The following BRWD1 variants were observed in gnomAD, a reference collection of about 807,000 sequenced individuals.
BRWD1 encodes bromodomain and WD repeat domain containing 1, also known as bromodomain and WD repeat-containing protein 1.
Under a neutral mutation model 251.2 loss-of-function variants are expected in BRWD1, and 82 were observed. That is an observed-to-expected ratio of 0.33 (90% CI 0.27 to 0.39). The LOEUF is 0.39. BRWD1 is among the 10% of genes least tolerant of loss of function. The pLI is 1.00. For missense variants in BRWD1, 2,233 were observed against 2,711.6 expected, an observed-to-expected ratio of 0.82 and a Z score of 3.92; for synonymous variants, 918 against 902.8, an observed-to-expected ratio of 1.02 and a Z score of -0.30.
Position 39,197,224 on chromosome 21 carries a change from T to G in BRWD1, c.5845A>C (p.Ser1949Arg). ...CTTCTAGTGTGCACATTTTCTAAACTGACATCTTCTACATCACTCATGAGC... is the reference window on the plus strand; with the variant it reads ...CTTCTAGTGTGCACATTTTCTAAACGGACATCTTCTACATCACTCATGAGC... ...IKLMSDVEDV[S>R]LENVHTRSKN... Residue 1949 changes from serine (S) to arginine (R), a missense_variant, in exon 41 of 41, where the codon AGT (serine) becomes CGT (arginine). This residue lies in a region of BRWD1 where 928 missense variants were observed against 970.0 expected (regional missense o/e 0.96). Transcript: ENST00000342449. The G allele has an allele frequency of 1.2e-6, 2 of 1,614,084 alleles. No individual in the cohort carries two copies. The highest frequency in any genetic ancestry group is 1.7e-5 in the Admixed American group (1 of 60,024).
At chr21:39,293,256 A>G (rs2035866261) in intron 8 of BRWD1, among the ~76,000 whole-genome samples, 1 of 152,168 alleles carries the variant, frequency 6.6e-6, no homozygotes, top group Non-Finnish European at 1.5e-5. Flanking sequence ...GCACTTTGGG[A>G]GGCTGAGCCG....
intron 4 of BRWD1, among the ~76,000 whole-genome samples, chr21:39,311,479 CTTTTCCAGTAGTTACA>C (rs2036482287): frequency 2.6e-5 from 4 of 152,274 alleles, no homozygotes; most frequent in African/African-American, 4.8e-5. Context: ...TTAAAAGTAA[CTTTTCCAGTAGTTACA>C]GCACTACATT....
At position 39,213,539 on chromosome 21, in the gene BRWD1, G is replaced by C. The variant is rs759860443; in HGVS notation, c.3800C>G (p.Thr1267Arg). Residue 1267 changes from threonine (T) to arginine (R), a missense_variant, in exon 33 of 41, where the codon ACA becomes AGA. Thr to Arg is a moderately conservative substitution (Grantham distance 71). Coordinates refer to ENST00000342449, the MANE Select transcript of BRWD1 (RefSeq NM_033656.4). ...TGTGTTAGAAAGTTCTGAGATATTT[G>C]TACAGTGTTGATTCCTAAAAAACAA... The part of the protein sequence containing the change: ...LLKFIKNQHC[T>R]NISELSNTSE... The C allele has an allele frequency of 6.2e-7, 1 of 1,610,452 alleles. No individual in the cohort carries two copies. The highest frequency in any genetic ancestry group is 1.1e-5 in the South Asian group (1 of 90,496).
intron 19 of BRWD1, among the ~76,000 whole-genome samples, chr21:39,253,118 CA>C (rs2034449285): frequency 6.6e-6 from 1 of 151,860 alleles, no homozygotes; most frequent in Non-Finnish European, 1.5e-5. Context: ...GGTGAAACCC[CA>C]TCTCTACTGA....
chr21:39,309,907 T>C (rs1428786210), intron 4 of BRWD1, among the ~76,000 whole-genome samples: 2 of 151,586 alleles, frequency 1.3e-5, no homozygotes, highest in African/African-American at 2.4e-5. Context: ...CTTGATGATA[T>C]AATAAGCAGT....
chr21:39,192,397 G>T lies in BRWD1; in HGVS notation c.*3862C>A. ...TATTCCTTCTCTTCCCAAATACTAG[G>T]ATAAGAGACAGTCTCAAACTGTTAA... On this transcript the variant is annotated 3_prime_UTR_variant, in exon 41 of 41. Coordinates refer to ENST00000342449, the MANE Select transcript of BRWD1 (RefSeq NM_033656.4). 1.0e-6 allele frequency: 1 copy of T among 985,120 alleles called. No individual in the cohort carries two copies. The highest frequency in any genetic ancestry group is 1.2e-6 in the Non-Finnish European group (1 of 829,804). 61.0% of individuals were successfully genotyped at this position (985,120 alleles called of 1,614,324 possible).
chr21:39,238,668 A>C, intron 21 of BRWD1, 95 bp from the exon 22 acceptor site: 1 of 781,422 alleles, frequency 1.3e-6, no homozygotes, highest in Non-Finnish European at 2.1e-6. Flanking sequence ...AGTAAGATTA[A>C]ATCATCTAAG....
At position 39,210,925 on chromosome 21, in the gene BRWD1, T is replaced by C; in HGVS notation, c.3905A>G (p.His1302Arg). 6.2e-7 allele frequency: 1 copy of C among 1,610,548 alleles called. No homozygotes were observed. The highest frequency in any genetic ancestry group is 8.5e-7 in the Non-Finnish European group (1 of 1,178,994). Residue 1302 changes from histidine (H) to arginine (R), a missense_variant, in exon 35 of 41, where the codon CAT becomes CGT. His to Arg is a conservative substitution (Grantham distance 29, BLOSUM62 0). Coordinates refer to ENST00000342449, the MANE Select transcript of BRWD1 (RefSeq NM_033656.4). ...PKTSSGRRRV[H>R]DGKKSIRATN... is the part of the protein sequence containing the mutation. Reference sequence around the variant, plus strand: ...AGCTCTGATGCTTTTTTTCCCATCATGGACCTAAAAATACATTCACAGTCT... The same window carrying C: ...AGCTCTGATGCTTTTTTTCCCATCACGGACCTAAAAATACATTCACAGTCT...
chr21:39,320,523 C>T (rs1405219624), intron 1 of BRWD1, among the ~76,000 whole-genome samples: 1 of 151,984 alleles, frequency 6.6e-6, no homozygotes, highest in African/African-American at 2.4e-5. Context: ...TTTCTACAGA[C>T]GGGGATTCAC....
chr21:39,258,865 G>A (rs1247883588), intron 17 of BRWD1, among the ~76,000 whole-genome samples, 193 bp from the exon 18 acceptor site: 1 of 152,148 alleles, frequency 6.6e-6, no homozygotes, highest in African/African-American at 2.4e-5. Context: ...AAGTCTTCCT[G>A]TAGAGGACTA....
chr21:39,212,654 A>G lies in BRWD1; in HGVS notation c.3900+12T>C, dbSNP rs2032711651. The stretch of plus-strand genomic sequence containing the variant: ...AAGAAACTACAAAAGTCAACCATGC[A>G]GAGTAACTTACTCTCCTCCTTCCAG... On this transcript the variant is annotated intron_variant, in intron 34 of 40. Coordinates refer to ENST00000342449, the MANE Select transcript of BRWD1 (RefSeq NM_033656.4). 1.3e-6 allele frequency: 2 copies of G among 1,550,460 alleles called. No individual in the cohort carries two copies. Among genetic ancestry groups the G allele is most frequent in the African/African-American group, 1.4e-5 (1 of 72,420 alleles).
chr21:39,219,500 A>C (rs2146520816), intron 29 of BRWD1: 1 of 152,378 alleles, frequency 6.6e-6, no homozygotes, highest in East Asian at 1.9e-4. Context: ...ACAGATAAGA[A>C]ATGTCATTTA....
chr21:39,224,931 G>GT lies in BRWD1; in HGVS notation c.3320+154dup, dbSNP rs545546897. Among the ~76,000 whole-genome samples the GT allele has an allele frequency of 1.3e-3, 202 of 152,286 alleles. 2 individuals carry two copies. Among genetic ancestry groups the GT allele is most frequent in the African/African-American group, 4.5e-3 (186 of 41,558 alleles). ...AGTACTGGTGAATAGGAAACAAAGAGTAGGTGCATGTCTGAGAGACATTTC... is the reference window on the plus strand; with the variant it reads ...AGTACTGGTGAATAGGAAACAAAGAGTTAGGTGCATGTCTGAGAGACATTTC... On this transcript the variant is annotated intron_variant, in intron 28 of 40. Transcript: ENST00000342449.
chr21:39,187,469 T>C lies in BRWD1; in HGVS notation c.*8790A>G. On this transcript the variant is annotated 3_prime_UTR_variant, in exon 41 of 41. Transcript: ENST00000342449. The stretch of plus-strand genomic sequence containing the variant: ...AATGCAAAAATCTTGTAACACAAGA[T>C]TTTACTACTGCTAACATTCCTCAAC... 2 of 1,508,452 alleles carry C rather than the reference T, an allele frequency of 1.3e-6. No homozygotes were observed. The highest frequency in any genetic ancestry group is 1.8e-6 in the Non-Finnish European group (2 of 1,132,802). The allele number at this position is 1,508,452 out of a possible 1,614,324, so 93.4% of individuals were successfully genotyped here.
At chr21:39,217,152 G>A (rs1272634332) in intron 31 of BRWD1, 1 of 142,684 alleles carries the variant, frequency 7.0e-6, no homozygotes, top group Non-Finnish European at 1.5e-5. Flanking sequence ...ATGGAGTGTA[G>A]TGGCGTGATC....
In BRWD1 at chr21:39,210,879, G is replaced by C. The variant is rs1485300005; in HGVS notation, c.3951C>G (p.Asn1317Lys). The part of the protein sequence containing the change: ...SIRATNYVES[N>K]WKKQCKELVN... ...CTAGTTCCTTACACTGTTTCTTCCA[G>C]TTGCTTTCAACATAGTTCGTAGCTC... The change falls in exon 35 of 41, where the codon AAC (asparagine) becomes AAG (lysine). Residue 1317 changes from asparagine (N) to lysine (K), a missense_variant. Coordinates refer to ENST00000342449, the MANE Select transcript of BRWD1 (RefSeq NM_033656.4). The C allele has an allele frequency of 1.2e-6, 2 of 1,612,296 alleles. No individual in the cohort carries two copies. Among genetic ancestry groups the C allele is most frequent in the Non-Finnish European group, 1.7e-6 (2 of 1,179,442 alleles).
At chr21:39,291,170 T>C (rs998484981) in intron 8 of BRWD1, among the ~76,000 whole-genome samples, 1 of 152,190 alleles carries the variant, frequency 6.6e-6, no homozygotes, top group Non-Finnish European at 1.5e-5. Flanking sequence ...AAATAGCTAC[T>C]CACTCTCTTT....
intron 4 of BRWD1, among the ~76,000 whole-genome samples, chr21:39,305,122 G>A (rs1244757366): frequency 6.6e-6 from 1 of 151,988 alleles, no homozygotes; most frequent in East Asian, 1.9e-4. Context: ...ACCATGCCTG[G>A]CTAATTTTTC....
intron 38 of BRWD1, among the ~76,000 whole-genome samples, chr21:39,201,794 T>C (rs905821778): frequency 2.6e-5 from 4 of 152,240 alleles, no homozygotes; most frequent in Admixed American, 6.5e-5. Context: ...TACTATTTAT[T>C]GAAATACTAG....
Sources: gnomAD v4.1 joint callset for allele counts (sites outside exome capture counted in the v4.1 genomes callset) on GRCh38, gnomAD v4.1.1 for gene constraint, gnomAD v4.1.1 regional missense constraint, MANE v1.5 for transcripts, NCBI Gene and HGNC (gene_info 2026-07-23, HGNC 2026-07-21) for gene names.